Variants in ANKFN1 observed in about 807,000 individuals in gnomAD.
ANKFN1 encodes ankyrin repeat and fibronectin type III domain containing 1.
A neutral mutation model predicts 108.7 loss-of-function variants in ANKFN1; 74 were observed. The observed-to-expected ratio is 0.68, with a 90% CI of 0.56 to 0.83. The LOEUF (loss-of-function observed/expected upper bound fraction) is 0.83, where lower values mean the gene tolerates loss of function less well. Ranked by LOEUF, ANKFN1 falls within the 40% of genes least tolerant of loss-of-function variation. The pLI is 0.00. For synonymous variants in ANKFN1, 547 were observed against 516.2 expected (o/e 1.06, Z -0.81); for missense variants, 1,505 against 1,382.3 (o/e 1.09, Z -1.41).
intron 20 of ANKFN1, among the ~76,000 whole-genome samples, chr17:56,500,647 A>C (rs2051339484): frequency 6.6e-6 from 1 of 152,232 alleles, no homozygotes; most frequent in Non-Finnish European, 1.5e-5. Flanking sequence ...GCAGAAAAAC[A>C]GGAAAGAGAA....
At chr17:56,185,299 T>C (rs1230564258) in intron 1 of ANKFN1, among the ~76,000 whole-genome samples, 2 of 152,218 alleles carry the variant, frequency 1.3e-5, no homozygotes, top group East Asian at 3.9e-4. Flanking sequence ...TTGTTCTGCA[T>C]AAATTTTTGC....
At chr17:56,121,390 T>C (rs1906611352) in intron 4 of ANKFN1, among the ~76,000 whole-genome samples, 1 of 152,154 alleles carries the variant, frequency 6.6e-6, no homozygotes, top group Admixed American at 6.6e-5. Context: ...AGCTTAATCA[T>C]GTCCTGGATG....
At chr17:56,304,670 T>C (rs2044766863) in intron 3 of ANKFN1, among the ~76,000 whole-genome samples, 1 of 152,224 alleles carries the variant, frequency 6.6e-6, no homozygotes, top group Admixed American at 6.5e-5. Flanking sequence ...TTCTTTTTTT[T>C]TTATTTTAGT....
At chr17:56,171,635 C>G (rs1910705330) in intron 1 of ANKFN1, among the ~76,000 whole-genome samples, 1 of 152,110 alleles carries the variant, frequency 6.6e-6, no homozygotes, top group Non-Finnish European at 1.5e-5. Flanking sequence ...TAGAAACTGC[C>G]AAGGAAAAGT....
At chr17:56,062,679 G>C (rs1478675495) in intron 4 of ANKFN1, among the ~76,000 whole-genome samples, 5 of 150,832 alleles carry the variant, frequency 3.3e-5, no homozygotes, top group Non-Finnish European at 5.9e-5. Context: ...AATGGGTCTT[G>C]ACTCTATCCA....
chr17:56,173,497 T>C (rs775977692), intron 1 of ANKFN1, among the ~76,000 whole-genome samples: 1 of 152,160 alleles, frequency 6.6e-6, no homozygotes, highest in African/African-American at 2.4e-5. Flanking sequence ...TGCCATATAC[T>C]TCACTCTCTC....
intron 20 of ANKFN1, among the ~76,000 whole-genome samples, chr17:56,502,709 C>T (rs1309073588): frequency 1.3e-5 from 2 of 152,302 alleles, no homozygotes; most frequent in South Asian, 2.1e-4. Context: ...AACATACCTG[C>T]TGGGTTACCC....
chr17:56,301,703 T>A (rs369216791), intron 3 of ANKFN1, among the ~76,000 whole-genome samples: 1 of 152,186 alleles, frequency 6.6e-6, no homozygotes, highest in Admixed American at 6.5e-5. Context: ...ATAATAGAGA[T>A]AGAATGGTGA....
chr17:56,373,894 T>C (rs1460976896), intron 7 of ANKFN1, among the ~76,000 whole-genome samples: 1 of 152,206 alleles, frequency 6.6e-6, no homozygotes, highest in African/African-American at 2.4e-5. Flanking sequence ...ATTTGCTAAA[T>C]TATAAAACAC....
chr17:56,153,059 G>A (rs1017590497), upstream of ANKFN1, among the ~76,000 whole-genome samples: 2 of 152,040 alleles, frequency 1.3e-5, no homozygotes, highest in South Asian at 2.1e-4. Context: ...TTCAGCATCC[G>A]CAGAAGGAGG....
chr17:56,061,727 T>A (rs1004275204), intron 4 of ANKFN1, among the ~76,000 whole-genome samples: 1 of 152,194 alleles, frequency 6.6e-6, no homozygotes, highest in Non-Finnish European at 1.5e-5. Flanking sequence ...GATTTATGAT[T>A]TTTGGAGGGT....
intron 1 of ANKFN1, among the ~76,000 whole-genome samples, chr17:56,210,961 A>G (rs1914948724): frequency 6.6e-6 from 1 of 152,168 alleles, no homozygotes; most frequent in Admixed American, 6.5e-5. Flanking sequence ...TTGGGTGGGG[A>G]CACAGAGCCA....
At chr17:56,284,135 A>G (rs1166084553) in intron 3 of ANKFN1, among the ~76,000 whole-genome samples, 2 of 152,202 alleles carry the variant, frequency 1.3e-5, no homozygotes, top group Non-Finnish European at 2.9e-5. Flanking sequence ...ACACATGCTC[A>G]CAGGCAAACA....
At chr17:56,320,393 G>A (rs1241700803) in intron 3 of ANKFN1, among the ~76,000 whole-genome samples, 1 of 152,094 alleles carries the variant, frequency 6.6e-6, no homozygotes, top group East Asian at 1.9e-4. Context: ...AAGGATAAAT[G>A]GGCTTCATTA....
upstream of ANKFN1, among the ~76,000 whole-genome samples, chr17:56,152,430 A>C (rs1184517068): frequency 6.6e-6 from 1 of 151,762 alleles, no homozygotes; most frequent in Non-Finnish European, 1.5e-5. Context: ...TTCCTATTGT[A>C]TAGTAGCAGC....
At chr17:56,373,800 T>C (rs1211454886) in intron 7 of ANKFN1, among the ~76,000 whole-genome samples, 4 of 152,240 alleles carry the variant, frequency 2.6e-5, no homozygotes, top group Admixed American at 6.5e-5. Flanking sequence ...CTTGCTTTAA[T>C]AAATGCATTT....
Position 56,047,381 on chromosome 17 carries a change from G to A in ANKFN1, c.288+1056G>A, listed in dbSNP as rs185823941. Reference sequence around the variant, plus strand: ...GAAAGGGGGAGAACGAAGGAGCACGGGAGGAGCACTCTGCTTATCCTTAGA... The same window carrying A: ...GAAAGGGGGAGAACGAAGGAGCACGAGAGGAGCACTCTGCTTATCCTTAGA... On this transcript the variant is annotated intron_variant, in intron 4 of 12. Coordinates refer to the ANKFN1 transcript ENST00000635860. 1.8e-4 allele frequency among the ~76,000 whole-genome samples: 27 copies of A among 152,094 alleles called. No homozygotes were observed. In the East Asian group the frequency reaches 4.3e-3, roughly 24 times the overall value.
At chr17:56,345,293 TGA>T (rs1598434465) in intron 4 of ANKFN1, among the ~76,000 whole-genome samples, 2 of 152,326 alleles carry the variant, frequency 1.3e-5, no homozygotes, top group Admixed American at 6.5e-5. Flanking sequence ...AGCCTATCAT[TGA>T]TGGGCATTTG....
intron 8 of ANKFN1, among the ~76,000 whole-genome samples, chr17:56,376,732 G>A (rs1007413152): frequency 9.9e-5 from 15 of 152,202 alleles, no homozygotes; most frequent in African/African-American, 3.6e-4. Context: ...GGGTGAGGTT[G>A]AAATGAAAGG....
Sources: allele counts gnomAD v4.1 joint callset (sites outside exome capture counted in the v4.1 genomes callset), GRCh38; gene constraint gnomAD v4.1.1; transcripts MANE v1.5; gene names NCBI Gene and HGNC (gene_info 2026-07-23, HGNC 2026-07-21).